ABL2: variants seen among roughly 807,000 people sequenced by gnomAD.
ABL2 encodes the protein ABL proto-oncogene 2, non-receptor tyrosine kinase.
A neutral mutation model predicts 107.7 loss-of-function variants in ABL2; 49 were observed. That is an observed-to-expected ratio of 0.45 (90% CI 0.36 to 0.58). The LOEUF (loss-of-function observed/expected upper bound fraction) is 0.58, where lower values mean the gene tolerates loss of function less well. ABL2 is among the 20% of genes least tolerant of loss of function. The probability of loss-of-function intolerance (pLI) is 0.00; values close to 1 mark genes in which losing one functional copy is unlikely to be tolerated. For synonymous variants in ABL2, 549 were observed against 548.6 expected (o/e 1.00, Z -0.01); for missense variants, 1,245 against 1,457.0 (o/e 0.85, Z 2.37).
intron 5 of ABL2, 132 bp from the exon 6 acceptor site, chr1:179,120,406 A>G (rs1655076551): frequency 9.1e-6 from 4 of 439,962 alleles, no homozygotes; most frequent in Non-Finnish European, 1.6e-5. Flanking sequence ...ATTTTAGCAT[A>G]TTACAAGATA....
At chr1:179,167,615 G>A (rs889650629) in intron 1 of ABL2, among the ~76,000 whole-genome samples, 1 of 152,098 alleles carries the variant, frequency 6.6e-6, no homozygotes, top group Admixed American at 6.6e-5. Flanking sequence ...CAAGGTGATG[G>A]ACACCCCAAA....
At chr1:179,123,291 A>G (rs1430812858) in intron 4 of ABL2, among the ~76,000 whole-genome samples, 2 of 152,048 alleles carry the variant, frequency 1.3e-5, no homozygotes, top group Non-Finnish European at 2.9e-5. Flanking sequence ...AGGTCACTTG[A>G]GGTCAAGAGT....
At chr1:179,123,055 T>C (rs1214989138) in intron 4 of ABL2, among the ~76,000 whole-genome samples, 1 of 152,208 alleles carries the variant, frequency 6.6e-6, no homozygotes, top group Admixed American at 6.5e-5. Context: ...AGCAAGGACT[T>C]GGCCTCTTGT....
chr1:179,221,154 G>A (rs111506890), intron 1 of ABL2: 55 of 240,402 alleles, frequency 2.3e-4, no homozygotes, highest in Non-Finnish European at 5.2e-5. Context: ...AAGTCTTGAT[G>A]GCGATATGAG....
intron 1 of ABL2, among the ~76,000 whole-genome samples, chr1:179,208,719 G>C (rs1410649672): frequency 6.6e-6 from 1 of 152,128 alleles, no homozygotes; most frequent in Non-Finnish European, 1.5e-5. Context: ...AGTATGTTCA[G>C]CTCTTAGAGC....
intron 1 of ABL2, among the ~76,000 whole-genome samples, chr1:179,219,804 CT>C (rs1266627487): frequency 2.0e-5 from 3 of 152,172 alleles, no homozygotes; most frequent in Admixed American, 6.5e-5. Context: ...AATATAAATG[CT>C]AAGGCAATTC....
In ABL2 at chr1:179,105,673, A is replaced by G. The variant is rs1039908053; in HGVS notation, c.*2045T>C. On this transcript the variant is annotated 3_prime_UTR_variant, in exon 12 of 12. Transcript: ENST00000502732. Reference sequence around the variant, plus strand: ...ATGCCCAGCACCGCGTGTCTCCTCTAATCCTCTTAACCTGGGCCTCCTTTG... The same window carrying G: ...ATGCCCAGCACCGCGTGTCTCCTCTGATCCTCTTAACCTGGGCCTCCTTTG... 6 of 226,504 alleles carry G rather than the reference A, an allele frequency of 2.6e-5. No homozygotes were observed. The highest frequency in any genetic ancestry group is 5.3e-5 in the Non-Finnish European group (6 of 113,936). The allele number at this position is 226,504 out of a possible 1,614,324, so 14.0% of individuals were successfully genotyped here. A position where few individuals can be genotyped will look rare whatever the true frequency, so the allele number is the denominator to read the frequency against.
At chr1:179,110,560 T>C in intron 10 of ABL2, 105 bp from the exon 11 acceptor site, 7 of 1,513,944 alleles carry the variant, frequency 4.6e-6, no homozygotes, top group Non-Finnish European at 6.2e-6. Flanking sequence ...GCAAGTAGAG[T>C]ACTAAAATAC....
At chr1:179,189,855 T>C (rs900970158) in intron 1 of ABL2, among the ~76,000 whole-genome samples, 1 of 151,994 alleles carries the variant, frequency 6.6e-6, no homozygotes, top group African/African-American at 2.4e-5. Context: ...AGTTTTGCTC[T>C]TGTTGCCCAG....
In ABL2 at chr1:179,107,891, A is replaced by G. The variant is rs780627822; in HGVS notation, c.3376T>C (p.Cys1126Arg). ...AATTTGTTGCGAGTTTGAGGGATGC[A>G]GTCCACATAGCCTGAGCAGTAGTCA... is the stretch of plus-strand genomic sequence containing the variant. ...LLDYCSGYVD[C>R]IPQTRNKFAF... is the part of the protein sequence containing the mutation. The change falls in exon 12 of 12, where the codon TGC becomes CGC. Residue 1126 changes from cysteine (C) to arginine (R), a missense_variant. Cys to Arg is a radical substitution (Grantham distance 180). Transcript: ENST00000502732. The G allele has an allele frequency of 1.2e-6, 2 of 1,614,246 alleles. No individual in the cohort carries two copies. Among genetic ancestry groups the G allele is most frequent in the Non-Finnish European group, 1.7e-6 (2 of 1,180,044 alleles).
At chr1:179,130,914 G>A (rs1265019660) in intron 3 of ABL2, among the ~76,000 whole-genome samples, 1 of 150,424 alleles carries the variant, frequency 6.6e-6, no homozygotes, top group East Asian at 1.9e-4. Flanking sequence ...CACTGCCGGG[G>A]AAAAAAATGT....
intron 1 of ABL2, among the ~76,000 whole-genome samples, chr1:179,135,292 C>A (rs1324753906): frequency 1.4e-5 from 2 of 147,068 alleles, no homozygotes; most frequent in Middle Eastern, 3.4e-3. Flanking sequence ...TGAGGAGCGC[C>A]TCTTCCCGGC....
At chr1:179,209,549 T>A (rs1662153754) in intron 1 of ABL2, among the ~76,000 whole-genome samples, 1 of 152,208 alleles carries the variant, frequency 6.6e-6, no homozygotes, top group Non-Finnish European at 1.5e-5. Context: ...CTACTTTTTC[T>A]CCCCATACAT....
chr1:179,135,987 G>A (rs551770365), intron 1 of ABL2, among the ~76,000 whole-genome samples: 1 of 131,408 alleles, frequency 7.6e-6, no homozygotes, highest in Non-Finnish European at 1.6e-5. Context: ...CCGGCCAGCC[G>A]CCCCGTCCAG....
At chr1:179,146,875 T>C (rs1658015655) in intron 1 of ABL2, among the ~76,000 whole-genome samples, 2 of 152,130 alleles carry the variant, frequency 1.3e-5, no homozygotes, top group Non-Finnish European at 2.9e-5. Context: ...AAGCAATGAA[T>C]AGGGGAAAAG....
intron 11 of ABL2, among the ~76,000 whole-genome samples, chr1:179,110,062 G>A (rs1221001299): frequency 6.6e-6 from 1 of 152,208 alleles, no homozygotes; most frequent in Non-Finnish European, 1.5e-5. Context: ...TGATGGAACT[G>A]TAAAGATGAT....
Position 179,157,576 on chromosome 1 carries a change from T to C in ABL2, c.158-24202A>G, listed in dbSNP as rs571515167. On this transcript the variant is annotated intron_variant, in intron 1 of 11. Coordinates refer to ENST00000502732, the MANE Select transcript of ABL2 (RefSeq NM_007314.4). ...AAACATCCAAAATTCGAAACACTTT[T>C]GGTCCCAAGCATTTCAAATAAGGGA... is the stretch of plus-strand genomic sequence containing the variant. Among the ~76,000 whole-genome samples the C allele has an allele frequency of 1.4e-4, 22 of 152,230 alleles. No homozygotes were observed. In the South Asian group the frequency reaches 3.1e-3, roughly 22 times the overall value.
intron 1 of ABL2, among the ~76,000 whole-genome samples, chr1:179,161,673 T>C (rs1331381136): frequency 6.6e-6 from 1 of 152,188 alleles, no homozygotes; most frequent in Non-Finnish European, 1.5e-5. Context: ...ACTGTGCTAA[T>C]GTACTCCAGC....
intron 10 of ABL2, 49 bp downstream of exon 10, chr1:179,112,260 C>T (rs1426601584): frequency 6.7e-7 from 1 of 1,501,226 alleles, no homozygotes; most frequent in African/African-American, 1.4e-5. Context: ...TCACCACCAC[C>T]ACCACTACCC....
Sources: allele counts gnomAD v4.1 joint callset (sites outside exome capture counted in the v4.1 genomes callset), GRCh38; gene constraint gnomAD v4.1.1; transcripts MANE v1.5; gene names NCBI Gene and HGNC (gene_info 2026-07-23, HGNC 2026-07-21).